DDX6: variants seen among roughly 807,000 people sequenced by gnomAD.
The protein encoded by DDX6 is probable ATP-dependent RNA helicase DDX6.
DDX6 carries 7 observed loss-of-function variants against 60.6 expected under a neutral mutation model. The ratio of observed to expected loss-of-function variants is 0.12; its 90% CI spans 0.07 to 0.22. The LOEUF (loss-of-function observed/expected upper bound fraction) is 0.22, where lower values mean the gene tolerates loss of function less well. Ranked by LOEUF, DDX6 falls within the 10% of genes least tolerant of loss-of-function variation. DDX6 has a pLI of 1.00. For synonymous variants in DDX6, 207 were observed against 201.0 expected (o/e 1.03, Z -0.25); for missense variants, 270 against 589.9 (o/e 0.46, Z 5.62).
In DDX6 at chr11:118,765,128, A is replaced by G. The variant is rs1445030656; in HGVS notation, c.646+81T>C. On this transcript the variant is annotated intron_variant, in intron 6 of 13. Coordinates refer to ENST00000534980, the MANE Select transcript of DDX6 (RefSeq NM_004397.6). Reference sequence around the variant, plus strand: ...AGTATTTCTGTTCCTTAATTCTTAAAAACAATTTTTAATAATTTACTGAAA... The same window carrying G: ...AGTATTTCTGTTCCTTAATTCTTAAGAACAATTTTTAATAATTTACTGAAA... The G allele has an allele frequency of 6.5e-6, 10 of 1,535,528 alleles. No individual in the cohort carries two copies. In the African/African-American group the frequency reaches 9.6e-5, roughly 15 times the overall value.
rs749884642 is a variant in DDX6 at position 118,786,014 on chromosome 11, C to T, written c.200+38G>A. The T allele has an allele frequency of 1.9e-6, 3 of 1,576,138 alleles. 1 individual carries two copies. In the South Asian group the frequency reaches 3.5e-5, roughly 18 times the overall value. ...ACCAAAGTAACACAAATCTTGGTTCCCCACAAGTGTTTATTAATAATTTAC... is the reference window on the plus strand; with the variant it reads ...ACCAAAGTAACACAAATCTTGGTTCTCCACAAGTGTTTATTAATAATTTAC... On this transcript the variant is annotated intron_variant, in intron 2 of 13. Transcript: ENST00000534980.
intron 4 of DDX6, among the ~76,000 whole-genome samples, chr11:118,771,360 C>T (rs1861528627): frequency 6.6e-6 from 1 of 152,136 alleles, no homozygotes; most frequent in South Asian, 2.1e-4. Flanking sequence ...TTCCTTTGCC[C>T]TCTTTGACAG....
intron 4 of DDX6, among the ~76,000 whole-genome samples, chr11:118,772,400 A>G (rs1163069139): frequency 2.6e-5 from 4 of 152,206 alleles, no homozygotes; most frequent in African/African-American, 9.7e-5. Flanking sequence ...GCCAGTCACA[A>G]AAAAAACACA....
At chr11:118,754,480 A>C (rs1205432567) in intron 13 of DDX6, 10 of 448,530 alleles carry the variant, frequency 2.2e-5, no homozygotes, top group Non-Finnish European at 3.5e-5. Flanking sequence ...AAGTACTGCT[A>C]ATCTACCACA....
At chr11:118,766,892 GCTT>G (rs1861371790) in intron 5 of DDX6, among the ~76,000 whole-genome samples, 1 of 98,084 alleles carries the variant, frequency 1.0e-5, no homozygotes, top group Non-Finnish European at 2.1e-5. Context: ...TGCTGCTGCT[GCTT>G]CTTCGTTTTG....
chr11:118,765,564 C>A (rs1290607133), intron 5 of DDX6, among the ~76,000 whole-genome samples: 1 of 152,040 alleles, frequency 6.6e-6, no homozygotes, highest in Non-Finnish European at 1.5e-5. Context: ...CACCTGAGGT[C>A]AGGAGTTCGA....
intron 1 of DDX6, chr11:118,786,848 C>G (rs1216338345): frequency 6.6e-6 from 1 of 152,306 alleles, no homozygotes; most frequent in Non-Finnish European, 1.5e-5. Context: ...TCTGACATCT[C>G]TAAAAGTCAG....
chr11:118,775,909 C>T (rs1160835459), intron 4 of DDX6, among the ~76,000 whole-genome samples: 1 of 152,120 alleles, frequency 6.6e-6, no homozygotes, highest in Non-Finnish European at 1.5e-5. Flanking sequence ...GGCAGGAGGA[C>T]TGCTTGAGCC....
intron 1 of DDX6, chr11:118,789,329 TG>T (rs894439096): frequency 6.6e-6 from 1 of 152,018 alleles, no homozygotes; most frequent in African/African-American, 2.4e-5. Context: ...CCGCCTGTCT[TG>T]GCCTCCCAAA....
At chr11:118,752,785 A>G (rs1860821629) in intron 13 of DDX6, among the ~76,000 whole-genome samples, 1 of 152,150 alleles carries the variant, frequency 6.6e-6, no homozygotes, top group Non-Finnish European at 1.5e-5. Context: ...CTAGAGCCCA[A>G]TAGTCACCAA....
Position 118,786,224 on chromosome 11 carries a change from C to G in DDX6, c.28G>C (p.Val10Leu), listed in dbSNP as rs367963908. MSTARTENP[V>L]IMGLSSQNGQ... ...TTTTGACTGGACAGACCCATTATAA[C>G]AGGGTTCTCTGTTCTGGCCGTGCTC... The change falls in exon 2 of 14, where the codon GTT (valine) becomes CTT (leucine). Residue 10 changes from valine to leucine, a missense_variant. This residue lies in a region of DDX6 where 102 missense variants were observed against 110.5 expected (regional missense o/e 0.92). Transcript: ENST00000534980. The G allele has an allele frequency of 5.0e-6, 8 of 1,612,836 alleles. No individual in the cohort carries two copies. The highest frequency in any genetic ancestry group is 6.8e-6 in the Non-Finnish European group (8 of 1,179,436).
At chr11:118,777,915 C>A (rs61219050) in intron 4 of DDX6, among the ~76,000 whole-genome samples, 27,283 of 112,186 alleles carry the variant, frequency 0.24, 3,044 homozygotes, top group East Asian at 0.34. Context: ...AAAAAAAAAA[C>A]CAAGAAAGTA....
At chr11:118,778,770 A>G (rs1555164090) in intron 4 of DDX6, among the ~76,000 whole-genome samples, 1 of 152,154 alleles carries the variant, frequency 6.6e-6, no homozygotes, top group African/African-American at 2.4e-5. Context: ...ACCTTCAAAC[A>G]TGATACCCTG....
intron 10 of DDX6, 44 bp downstream of exon 10, chr11:118,757,127 G>A (rs781890493): frequency 2.0e-6 from 2 of 993,078 alleles, no homozygotes; most frequent in South Asian, 1.9e-5. Flanking sequence ...AATAAAGAAA[G>A]AGATTTCTTA....
intron 2 of DDX6, 23 bp from the exon 3 acceptor site, chr11:118,781,207 G>A (rs781906554): frequency 6.7e-7 from 1 of 1,502,842 alleles, no homozygotes; most frequent in Non-Finnish European, 9.2e-7. Context: ...CAGTAAACTT[G>A]AAGTATCAAA....
intron 9 of DDX6, among the ~76,000 whole-genome samples, chr11:118,757,910 T>C (rs1861033529): frequency 6.6e-6 from 1 of 152,096 alleles, no homozygotes; most frequent in Non-Finnish European, 1.5e-5. Flanking sequence ...TTCTTTAATA[T>C]ACTCACAACC....
intron 9 of DDX6, among the ~76,000 whole-genome samples, chr11:118,758,133 C>A (rs1195839333): frequency 1.3e-5 from 2 of 152,174 alleles, no homozygotes; most frequent in Non-Finnish European, 2.9e-5. Context: ...ACACTGTACA[C>A]GTCCACAAAT....
chr11:118,787,059 G>C (rs913517928), intron 1 of DDX6: 1 of 152,146 alleles, frequency 6.6e-6, no homozygotes, highest in Non-Finnish European at 1.5e-5. Flanking sequence ...TTATGGGCTG[G>C]GTGCTGGTGG....
chr11:118,763,237 T>C lies in DDX6; in HGVS notation c.716A>G (p.His239Arg). The C allele has an allele frequency of 6.2e-7, 1 of 1,610,504 alleles. No individual in the cohort carries two copies. The highest frequency in any genetic ancestry group is 2.2e-5 in the East Asian group (1 of 44,810). The change falls in exon 7 of 14, where the codon CAT becomes CGT. Residue 239 changes from histidine to arginine, a missense_variant. His to Arg is a conservative substitution (Grantham distance 29). Around this residue, in one of 8 missense-constraint regions of DDX6, gnomAD observed 15 missense variants for 16.4 expected, o/e 0.92. Transcript: ENST00000534980. ...CTCATCCAATACTATCATCTGGACA[T>C]GATCAACCTTTGCTACTCCTTTCTT... ...LIKKGVAKVD[H>R]VQMIVLDEAD...
Sources: allele counts gnomAD v4.1 joint callset (sites outside exome capture counted in the v4.1 genomes callset), GRCh38; gene constraint gnomAD v4.1.1; regional missense constraint gnomAD v4.1.1; transcripts MANE v1.5; gene names NCBI Gene and HGNC (gene_info 2026-07-23, HGNC 2026-07-21).